The following CTNNA2 variants were observed in gnomAD, a reference collection of about 807,000 sequenced individuals.
CTNNA2 encodes the protein catenin alpha 2, also known as catenin alpha-2.
Under a neutral mutation model 101.0 loss-of-function variants are expected in CTNNA2, and 42 were observed. The ratio of observed to expected loss-of-function variants is 0.42; its 90% CI spans 0.32 to 0.54. CTNNA2 has a LOEUF of 0.54. Ranked by LOEUF, CTNNA2 falls within the 20% of genes least tolerant of loss-of-function variation. The pLI, the probability that CTNNA2 is intolerant of heterozygous loss-of-function variation, is 0.14. For missense variants in CTNNA2, 871 were observed against 1,223.1 expected, an observed-to-expected ratio of 0.71 and a Z score of 4.29; for synonymous variants, 450 against 456.4, an observed-to-expected ratio of 0.99 and a Z score of 0.18.
intron 7 of CTNNA2, among the ~76,000 whole-genome samples, chr2:79,952,319 G>T (rs1263908546): frequency 6.6e-6 from 1 of 151,986 alleles, no homozygotes; most frequent in Non-Finnish European, 1.5e-5. Flanking sequence ...AAATAAACAG[G>T]CAAAGCAAAG....
intron 9 of CTNNA2, among the ~76,000 whole-genome samples, chr2:80,537,912 G>A (rs1210405128): frequency 6.6e-6 from 1 of 152,046 alleles, no homozygotes; most frequent in East Asian, 1.9e-4. Flanking sequence ...ACTTTTTAAT[G>A]ATCGCCATTC....
chr2:79,337,965 G>T (rs1677033225), intron 3 of CTNNA2, among the ~76,000 whole-genome samples: 1 of 152,002 alleles, frequency 6.6e-6, no homozygotes, highest in African/African-American at 2.4e-5. Flanking sequence ...GGTAGTCAGG[G>T]CCGGGCATGG....
rs1573048462 is a variant in CTNNA2 at position 79,296,153 on chromosome 2, A to T, written c.-405-16556A>T. ...TGGACCTAACACTTATCCTCAGATG[A>T]CCTAAAATCTAATAGTGTATCCAGG... On this transcript the variant is annotated intron_variant, in intron 2 of 21. Transcript: ENST00000466387. Among the ~76,000 whole-genome samples, 4 of 152,234 alleles carry T rather than the reference A, an allele frequency of 2.6e-5. No homozygotes were observed. The South Asian group carries it at 8.3e-4, about 32-fold the overall frequency.
chr2:79,241,148 A>C, intron 2 of CTNNA2, among the ~76,000 whole-genome samples: 1 of 152,220 alleles, frequency 6.6e-6, no homozygotes, highest in East Asian at 1.9e-4. Context: ...CATTGTATTC[A>C]TTATTTATCA....
intron 2 of CTNNA2, among the ~76,000 whole-genome samples, chr2:79,258,241 G>T (rs893015150): frequency 2.0e-5 from 3 of 152,130 alleles, no homozygotes; most frequent in African/African-American, 2.4e-5. Context: ...GGGGAGTAGA[G>T]TGAAGCATGA....
chr2:79,909,893 AC>A (rs1685669259), intron 7 of CTNNA2, 96 bp downstream of exon 7: 2 of 1,260,936 alleles, frequency 1.6e-6, no homozygotes, highest in East Asian at 5.1e-5. Flanking sequence ...AAGAGAACAG[AC>A]CAGGTGTTTA....
At chr2:80,320,602 G>A (rs1004515653) in intron 7 of CTNNA2, among the ~76,000 whole-genome samples, 8 of 152,100 alleles carry the variant, frequency 5.3e-5, no homozygotes, top group South Asian at 2.1e-4. Context: ...ATGAAGAGAG[G>A]CAACCTTAAA....
At chr2:80,412,407 A>AT (rs1330624689) in intron 8 of CTNNA2, among the ~76,000 whole-genome samples, 1 of 152,178 alleles carries the variant, frequency 6.6e-6, no homozygotes, top group Non-Finnish European at 1.5e-5. Flanking sequence ...TACAGCTGTG[A>AT]TTTTCTTACA....
intron 7 of CTNNA2, among the ~76,000 whole-genome samples, chr2:80,176,755 A>G (rs375757458): frequency 6.6e-6 from 1 of 152,234 alleles, no homozygotes; most frequent in African/African-American, 2.4e-5. Flanking sequence ...AACTGATTTT[A>G]TCTTGATAAT....
At chr2:80,430,211 C>T (rs1417602217) in intron 9 of CTNNA2, among the ~76,000 whole-genome samples, 1 of 152,082 alleles carries the variant, frequency 6.6e-6, no homozygotes, top group Non-Finnish European at 1.5e-5. Context: ...ATTAAGTACC[C>T]TTACAAAGAA....
intron 1 of CTNNA2, among the ~76,000 whole-genome samples, chr2:79,628,635 C>A (rs1266496454): frequency 6.6e-6 from 1 of 152,088 alleles, no homozygotes; most frequent in African/African-American, 2.4e-5. Context: ...CAGATGATTC[C>A]TGCTGATTTC....
At chr2:80,121,620 T>C (rs950937438) in intron 7 of CTNNA2, among the ~76,000 whole-genome samples, 4 of 152,206 alleles carry the variant, frequency 2.6e-5, no homozygotes, top group African/African-American at 9.6e-5. Flanking sequence ...TGGAGTTTCG[T>C]GATTCTCCCA....
rs1027672046 is a variant in CTNNA2 at position 80,023,560 on chromosome 2, C to G, written c.1056+113763C>G. Among the ~76,000 whole-genome samples the G allele has an allele frequency of 3.3e-5, 5 of 152,156 alleles. No individual in the cohort carries two copies. In the Middle Eastern group the frequency reaches 0.014, roughly 414 times the overall value. ...TTAAAGTGGTTCTATTTCCAAAGTA[C>G]GTAGGACTTTGTGGGGAATTTGTTT... On this transcript the variant is annotated intron_variant, in intron 7 of 18. Transcript: ENST00000402739.
At chr2:79,372,929 A>G (rs989499185) in intron 3 of CTNNA2, among the ~76,000 whole-genome samples, 2 of 152,220 alleles carry the variant, frequency 1.3e-5, no homozygotes, top group Non-Finnish European at 2.9e-5. Context: ...TGGTTTCTTC[A>G]GAAGACAAAC....
intron 7 of CTNNA2, among the ~76,000 whole-genome samples, chr2:80,020,080 T>C (rs372491537): frequency 2.1e-4 from 32 of 152,200 alleles, no homozygotes; most frequent in African/African-American, 7.5e-4. Context: ...TGCACCATTA[T>C]GTAAAGAGCT....
chr2:79,639,932 T>TTGTGTG lies in CTNNA2; in HGVS notation c.-5-11595_-5-11590dup, dbSNP rs60058512. 2.5e-3 allele frequency among the ~76,000 whole-genome samples: 365 copies of TTGTGTG among 145,214 alleles called. 2 individuals carry two copies. Among genetic ancestry groups the TTGTGTG allele is most frequent in the African/African-American group, 8.1e-3 (319 of 39,380 alleles). Reference sequence around the variant, plus strand: ...CATTTGTATTTTATTTTAACTATAATTGTGTGTGTGTGTGTGTGTGTGTGT... The same window carrying TTGTGTG: ...CATTTGTATTTTATTTTAACTATAATTGTGTGTGTGTGTGTGTGTGTGTGTGTGTGT... On this transcript the variant is annotated intron_variant, in intron 1 of 18. Transcript: ENST00000402739.
In CTNNA2 at chr2:80,052,262, A is replaced by G. The variant is rs893999931; in HGVS notation, c.1056+142465A>G. Among the ~76,000 whole-genome samples, 6 of 152,354 alleles carry G rather than the reference A, an allele frequency of 3.9e-5. No homozygotes were observed. The South Asian group carries it at 1.0e-3, about 26-fold the overall frequency. ...AATAAACTAGATAATAGATACAGCT[A>G]CATACATTTAGCCATGTGTCCTTCT... On this transcript the variant is annotated intron_variant, in intron 7 of 18. Coordinates refer to ENST00000402739, the MANE Select transcript of CTNNA2 (RefSeq NM_001282597.3).
At chr2:80,509,579 G>A (rs1043413339) in intron 9 of CTNNA2, among the ~76,000 whole-genome samples, 1 of 152,112 alleles carries the variant, frequency 6.6e-6, no homozygotes, top group African/African-American at 2.4e-5. Flanking sequence ...CCAGCTGTTT[G>A]GCACCTGAAA....
intron 17 of CTNNA2, among the ~76,000 whole-genome samples, chr2:80,611,455 AAAGTT>A (rs570846264): frequency 4.6e-4 from 70 of 151,782 alleles, no homozygotes; most frequent in Middle Eastern, 3.4e-3. Context: ...TTATGGGAGA[AAAGTT>A]AAGCCATATA....
Sources: allele counts gnomAD v4.1 joint callset (sites outside exome capture counted in the v4.1 genomes callset), GRCh38; gene constraint gnomAD v4.1.1; transcripts MANE v1.5; gene names NCBI Gene and HGNC (gene_info 2026-07-23, HGNC 2026-07-21).